Variants in CARD10 observed in about 807,000 individuals in gnomAD.
The protein encoded by CARD10 is caspase recruitment domain family member 10, also known as caspase recruitment domain-containing protein 10.
CARD10 carries 49 observed loss-of-function variants against 114.6 expected under a neutral mutation model. That is an observed-to-expected ratio of 0.43 (90% CI 0.34 to 0.54). The LOEUF is 0.54. Ranked by LOEUF, CARD10 falls within the 20% of genes least tolerant of loss-of-function variation. The pLI, the probability that CARD10 is intolerant of heterozygous loss-of-function variation, is 0.03. For missense variants in CARD10, 1,206 were observed against 1,397.2 expected (o/e 0.86, Z 2.18); for synonymous variants, 602 against 593.2 (o/e 1.01, Z -0.21).
intron 11 of CARD10, among the ~76,000 whole-genome samples, chr22:37,497,581 T>C (rs1923051687): frequency 6.6e-6 from 1 of 152,074 alleles, no homozygotes; most frequent in Admixed American, 6.5e-5. Flanking sequence ...GCTTGTTATA[T>C]AGCCAAGCAC....
At position 37,496,424 on chromosome 22, in the gene CARD10, G is replaced by A. The variant is rs780289938; in HGVS notation, c.2059+25C>T. ...TTAGAGGACCCCTCTGGGGCCAACA[G>A]CTCCGACTCCCAAGCCAGACTTACC... On this transcript the variant is annotated intron_variant, in intron 13 of 19. Transcript: ENST00000251973. The surrounding 1 kb of genome is among the most constrained non-coding windows in gnomAD (Gnocchi z 4.1). 1 of 1,559,866 alleles carries A rather than the reference G, an allele frequency of 6.4e-7. No homozygotes were observed. The highest frequency in any genetic ancestry group is 8.8e-7 in the Non-Finnish European group (1 of 1,132,582).
chr22:37,501,950 G>A lies in CARD10; in HGVS notation c.1787+652C>T, dbSNP rs1469981476. Among the ~76,000 whole-genome samples the A allele has an allele frequency of 6.6e-6, 1 of 152,044 alleles. No homozygotes were observed. The highest frequency in any genetic ancestry group is 1.5e-5 in the Non-Finnish European group (1 of 68,010). On this transcript the variant is annotated intron_variant, in intron 11 of 19. Transcript: ENST00000251973. This position sits in a 1 kb window ranked among gnomAD's most constrained non-coding sequence, Gnocchi z 5.4. ...CAGTCACCGGATGCTCTCCCTACCT[G>A]CCCTCTCCTCACAGCTGAGTTCCAA...
At position 37,492,836 on chromosome 22, in the gene CARD10, G is replaced by T. The variant is rs1350000115; in HGVS notation, c.2477-34C>A. ...GGGGAGGGGCGCAAAAGAGATAAGG[G>T]CACAGGCAGGCAGCATACCAGCTCG... On this transcript the variant is annotated intron_variant, in intron 16 of 19. Transcript: ENST00000251973. The surrounding 1 kb of genome is among the most constrained non-coding windows in gnomAD (Gnocchi z 5.7). 6.3e-7 allele frequency: 1 copy of T among 1,596,422 alleles called. No individual in the cohort carries two copies. The highest frequency in any genetic ancestry group is 8.5e-7 in the Non-Finnish European group (1 of 1,174,750).
At chr22:37,493,052 T>G (rs1256392832) in intron 16 of CARD10, among the ~76,000 whole-genome samples, 1 of 152,026 alleles carries the variant, frequency 6.6e-6, no homozygotes, top group African/African-American at 2.4e-5. Context: ...AAAAAGCAAA[T>G]CAGATCATGT....
At chr22:37,500,125 G>T (rs1475149982) in intron 11 of CARD10, among the ~76,000 whole-genome samples, 1 of 152,228 alleles carries the variant, frequency 6.6e-6, no homozygotes, top group African/African-American at 2.4e-5. Flanking sequence ...ACCTGATGCT[G>T]AGACTGAAGC....
Position 37,510,413 on chromosome 22 carries a change from C to A in CARD10, c.708G>T (p.Gln236His). The A allele has an allele frequency of 3.1e-6, 5 of 1,613,556 alleles. No homozygotes were observed. The highest frequency in any genetic ancestry group is 4.2e-6 in the Non-Finnish European group (5 of 1,179,932). Reference sequence around the variant, plus strand: ...CCAGCCGACTCACTTTGAGCTTGAGCTGATCCACCTGGAGCCCAAGACATG... The same window carrying A: ...CCAGCCGACTCACTTTGAGCTTGAGATGATCCACCTGGAGCCCAAGACATG... ...RSRDLQLAVD[Q>H]LKLKVSRLEE... Residue 236 changes from glutamine to histidine, a missense_variant, in exon 4 of 20, where the codon CAG becomes CAT. This residue lies in a region of CARD10 where 1,068 missense variants were observed against 1,179.1 expected (regional missense o/e 0.91). Transcript: ENST00000251973.
chr22:37,515,126 G>A (rs904505088), intron 3 of CARD10, among the ~76,000 whole-genome samples: 5 of 152,232 alleles, frequency 3.3e-5, no homozygotes, highest in African/African-American at 1.2e-4. Flanking sequence ...TTGCAAATGA[G>A]GGCTTGGCGT....
Position 37,503,214 on chromosome 22 carries a change from C to T in CARD10, c.1635-1G>A. 6.2e-7 allele frequency: 1 copy of T among 1,611,234 alleles called. No individual in the cohort carries two copies. The highest frequency in any genetic ancestry group is 8.5e-7 in the Non-Finnish European group (1 of 1,178,852). On this transcript the variant is annotated splice_acceptor_variant, in intron 9 of 19. Coordinates refer to ENST00000251973, the MANE Select transcript of CARD10 (RefSeq NM_014550.4). LOFTEE classifies it high-confidence loss of function. Reference sequence around the variant, plus strand: ...GATGTCTGACATGCTGCTGAAGGATCTGGGCAGAGAGAGGGCAGGGAGGGG... The same window carrying T: ...GATGTCTGACATGCTGCTGAAGGATTTGGGCAGAGAGAGGGCAGGGAGGGG...
intron 1 of CARD10, among the ~76,000 whole-genome samples, chr22:37,518,717 G>A (rs1923925402): frequency 2.6e-5 from 4 of 152,204 alleles, no homozygotes; most frequent in Admixed American, 2.6e-4. Context: ...CTCTAATGTG[G>A]ACCCAGGAAG....
chr22:37,509,599 A>G (rs1923541714), intron 4 of CARD10, among the ~76,000 whole-genome samples: 1 of 149,096 alleles, frequency 6.7e-6, no homozygotes, highest in African/African-American at 2.6e-5. Context: ...CATGTCCACG[A>G]GCCCTGGCCC....
chr22:37,513,500 T>C (rs1191033889), intron 3 of CARD10, among the ~76,000 whole-genome samples: 1 of 151,854 alleles, frequency 6.6e-6, no homozygotes, highest in Non-Finnish European at 1.5e-5. Flanking sequence ...CCTCCGACCA[T>C]CTCTTTTCCA....
Position 37,496,396 on chromosome 22 carries a change from G to C in CARD10, c.2059+53C>G, listed in dbSNP as rs140404747. On this transcript the variant is annotated intron_variant, in intron 13 of 19. Transcript: ENST00000251973. The surrounding 1 kb of genome is among the most constrained non-coding windows in gnomAD (Gnocchi z 4.1). ...GGTCCCTCCCCACCCCATGCACCAC[G>C]GGTTAGAGGACCCCTCTGGGGCCAA... The C allele has an allele frequency of 2.3e-6, 3 of 1,327,770 alleles. No individual in the cohort carries two copies. The highest frequency in any genetic ancestry group is 3.2e-6 in the Non-Finnish European group (3 of 934,208). 82.2% of individuals were successfully genotyped at this position (1,327,770 alleles called of 1,614,324 possible).
chr22:37,491,740 A>AACC lies in CARD10; in HGVS notation c.2864+14_2864+15insGGT. ...GTCCGAGTGCCCTGCCCACTGCCCC[A>AACC]CCCACCCACCTCACCTGACTTCCCG... On this transcript the variant is annotated intron_variant, in intron 19 of 19. Transcript: ENST00000251973. 2.2e-6 allele frequency: 1 copy of AACC among 463,932 alleles called. No individual in the cohort carries two copies. Among genetic ancestry groups the AACC allele is most frequent in the Non-Finnish European group, 4.3e-6 (1 of 234,186 alleles). 28.7% of individuals were successfully genotyped at this position (463,932 alleles called of 1,614,324 possible).
rs73884059 is a variant in CARD10, at chr22:37,509,101, G to A, written c.910-419C>T. 1.1e-3 allele frequency: 1,633 copies of A among 1,532,104 alleles called. 17 individuals carry two copies. In the African/African-American group the frequency reaches 0.019, roughly 18 times the overall value. 94.9% of individuals were successfully genotyped at this position (1,532,104 alleles called of 1,614,324 possible). On this transcript the variant is annotated intron_variant, in intron 4 of 19. Coordinates refer to ENST00000251973, the MANE Select transcript of CARD10 (RefSeq NM_014550.4). ...GGGCTGAGCCTGGCCCATACAGGTA[G>A]ACCCTGGGCCCAAGATCTTGCCCCC...
chr22:37,495,026 G>T (rs533478176), intron 15 of CARD10, among the ~76,000 whole-genome samples: 30 of 152,058 alleles, frequency 2.0e-4, no homozygotes, highest in East Asian at 3.9e-4. Flanking sequence ...GCAGTGGCGC[G>T]ATCTTGGCTC....
intron 2 of CARD10, among the ~76,000 whole-genome samples, chr22:37,516,562 G>A (rs1923852286): frequency 6.6e-6 from 1 of 152,082 alleles, no homozygotes; most frequent in African/African-American, 2.4e-5. Context: ...CAACAGAGTG[G>A]GAGAAAATAT....
In CARD10 at chr22:37,503,170, C is replaced by T. The variant is rs964605312; in HGVS notation, c.1663+15G>A. Reference sequence around the variant, plus strand: ...GACCAGAGGAGCCCTCCCCACGGAACTCAAGGGCTGTTACCTGTGATGTCT... The same window carrying T: ...GACCAGAGGAGCCCTCCCCACGGAATTCAAGGGCTGTTACCTGTGATGTCT... On this transcript the variant is annotated intron_variant, in intron 10 of 19. Coordinates refer to ENST00000251973, the MANE Select transcript of CARD10 (RefSeq NM_014550.4). The T allele has an allele frequency of 2.5e-6, 4 of 1,610,388 alleles. No homozygotes were observed. The highest frequency in any genetic ancestry group is 2.7e-5 in the African/African-American group (2 of 74,752).
rs1414002705 is a variant in CARD10, at chr22:37,519,153, G to C, written c.48C>G (p.Ala16=). Residue 16 remains alanine (A), a synonymous_variant, in exon 1 of 20, where the codon GCC becomes GCG. Coordinates refer to ENST00000251973, the MANE Select transcript of CARD10 (RefSeq NM_014550.4). The surrounding 1 kb of genome is among the most constrained non-coding windows in gnomAD (Gnocchi z 4.1). The part of the protein sequence containing the change: ...EAGEAEEEAG[A]GSGSEAEEDA... ...CCTCCTCCGCCTCAGACCCCGAGCC[G>C]GCCCCGGCCTCCTCCTCGGCCTCCC... The C allele has an allele frequency of 1.3e-6, 2 of 1,542,990 alleles. No individual in the cohort carries two copies. Among genetic ancestry groups the C allele is most frequent in the Non-Finnish European group, 1.7e-6 (2 of 1,150,524 alleles).
At chr22:37,505,961 A>G (rs1923390402) in intron 7 of CARD10, among the ~76,000 whole-genome samples, 1 of 152,120 alleles carries the variant, frequency 6.6e-6, no homozygotes, top group Non-Finnish European at 1.5e-5. Context: ...TCCCAGAAGC[A>G]ACCCCAGAAA....
Sources: allele counts gnomAD v4.1 joint callset (sites outside exome capture counted in the v4.1 genomes callset), GRCh38; gene constraint gnomAD v4.1.1; regional missense constraint gnomAD v4.1.1; non-coding constraint Gnocchi (gnomAD v3.1); transcripts MANE v1.5; gene names NCBI Gene and HGNC (gene_info 2026-07-23, HGNC 2026-07-21).